Variants in KCNT2 observed in about 807,000 individuals in gnomAD.
KCNT2 encodes potassium channel subfamily T member 2.
In KCNT2, 67 loss-of-function variants were observed where a neutral mutation model predicts 153.8. The observed-to-expected ratio is 0.44, with a 90% confidence interval of 0.36 to 0.53. The LOEUF is 0.53. Among genes scored for constraint, KCNT2 ranks in the 20% least tolerant of loss-of-function variants. The pLI is 0.00. For synonymous variants in KCNT2, 500 were observed against 458.8 expected (o/e 1.09, Z -1.15); for missense variants, 975 against 1,354.8 (o/e 0.72, Z 4.40).
At chr1:196,492,375 G>T in intron 1 of KCNT2, 34 bp from the exon 2 acceptor site, 1 of 1,281,624 alleles carries the variant, frequency 7.8e-7, no homozygotes, top group Non-Finnish European at 1.0e-6. Flanking sequence ...GTAAATGTAT[G>T]CAAGCAACCA....
At chr1:196,404,116 T>C in intron 12 of KCNT2, 1 of 969,782 alleles carries the variant, frequency 1.0e-6, no homozygotes, top group Non-Finnish European at 1.2e-6. Flanking sequence ...ATCTTCAGCT[T>C]CTCTGTCTCA....
Position 196,608,212 on chromosome 1 carries a change from C to T in KCNT2, c.95+3G>A. 1 of 1,613,608 alleles carries T rather than the reference C, an allele frequency of 6.2e-7. No homozygotes were observed. Among genetic ancestry groups the T allele is most frequent in the Non-Finnish European group, 8.5e-7 (1 of 1,179,552 alleles). On this transcript the variant is annotated splice_donor_region_variant and intron_variant, in intron 1 of 27. Coordinates refer to ENST00000294725, the MANE Select transcript of KCNT2 (RefSeq NM_198503.5). ...CAGAACAATCCTCCACCACACCACT[C>T]ACCTGTCGTCGTTTTGCCATCCTTG...
chr1:196,233,976 C>A (rs1425863777), intron 27 of KCNT2, among the ~76,000 whole-genome samples: 1 of 151,272 alleles, frequency 6.6e-6, no homozygotes, highest in African/African-American at 2.4e-5. Context: ...GAAATAAATT[C>A]CAGTGCTTCA....
intron 25 of KCNT2, among the ~76,000 whole-genome samples, chr1:196,277,792 T>C (rs1325299): frequency 0.83 from 126,170 of 152,000 alleles, 53,513 homozygotes; most frequent in East Asian, 0.97. Context: ...ACTGTCAGAG[T>C]CAATTTTATT....
chr1:196,602,829 G>C (rs1007530453), intron 1 of KCNT2, among the ~76,000 whole-genome samples: 2 of 122,162 alleles, frequency 1.6e-5, no homozygotes, highest in Admixed American at 2.3e-4. Context: ...GCCCAGGCCG[G>C]ACTGCGGACT....
intron 8 of KCNT2, among the ~76,000 whole-genome samples, chr1:196,441,862 A>T (rs1675262552): frequency 6.6e-6 from 1 of 151,778 alleles, no homozygotes; most frequent in South Asian, 2.1e-4. Context: ...ATTCATAAAC[A>T]TTTATTAAGA....
At chr1:196,397,193 C>A (rs1046327920) in intron 13 of KCNT2, among the ~76,000 whole-genome samples, 1 of 151,336 alleles carries the variant, frequency 6.6e-6, no homozygotes, top group Non-Finnish European at 1.5e-5. Flanking sequence ...TAAGAGTTTA[C>A]TTAGTGTTAA....
At chr1:196,572,399 A>G (rs954169374) in intron 1 of KCNT2, among the ~76,000 whole-genome samples, 2 of 152,066 alleles carry the variant, frequency 1.3e-5, no homozygotes, top group Admixed American at 1.3e-4. Flanking sequence ...TCTAGGAAAG[A>G]AGGCAGACTT....
chr1:196,479,977 T>G (rs916995586), intron 4 of KCNT2, among the ~76,000 whole-genome samples: 14 of 152,248 alleles, frequency 9.2e-5, no homozygotes, highest in Non-Finnish European at 1.6e-4. Flanking sequence ...TGAATGAATT[T>G]CATAACCAAT....
intron 1 of KCNT2, among the ~76,000 whole-genome samples, chr1:196,516,313 T>C (rs1053382906): frequency 6.6e-6 from 1 of 152,004 alleles, no homozygotes; most frequent in African/African-American, 2.4e-5. Context: ...CAGGGGCAAT[T>C]AGGGACTGCG....
chr1:196,345,620 C>A (rs546711148), intron 14 of KCNT2, among the ~76,000 whole-genome samples: 2 of 152,162 alleles, frequency 1.3e-5, no homozygotes, highest in South Asian at 4.2e-4. Context: ...TTTATAAAAT[C>A]CCTCTGGTCA....
intron 8 of KCNT2, among the ~76,000 whole-genome samples, chr1:196,432,574 T>C (rs1674260848): frequency 6.6e-6 from 1 of 152,164 alleles, no homozygotes; most frequent in African/African-American, 2.4e-5. Context: ...TAATGTTTTT[T>C]CCTTGTTGGA....
intron 8 of KCNT2, among the ~76,000 whole-genome samples, chr1:196,435,082 A>G (rs1397742913): frequency 1.4e-5 from 2 of 145,304 alleles, no homozygotes. Context: ...ATTTTAAGCC[A>G]CTAAGTTTAG....
At chr1:196,295,939 G>C (rs1362479453) in intron 22 of KCNT2, among the ~76,000 whole-genome samples, 1 of 151,894 alleles carries the variant, frequency 6.6e-6, no homozygotes, top group African/African-American at 2.4e-5. Context: ...GGTTTTGAAA[G>C]ATTAACAGGA....
chr1:196,515,114 G>A (rs933786517), intron 1 of KCNT2, among the ~76,000 whole-genome samples: 4 of 152,130 alleles, frequency 2.6e-5, no homozygotes, highest in Admixed American at 6.5e-5. Context: ...TATGATTTCC[G>A]ATAATGATGG....
intron 16 of KCNT2, 39 bp downstream of exon 16, chr1:196,340,302 G>T (rs1665492654): frequency 5.2e-6 from 6 of 1,150,130 alleles, no homozygotes; most frequent in South Asian, 1.6e-5. Flanking sequence ...TTTTATTTTA[G>T]AAATAAATTA....
chr1:196,296,888 A>C (rs971562581), intron 22 of KCNT2, among the ~76,000 whole-genome samples: 2 of 152,114 alleles, frequency 1.3e-5, no homozygotes, highest in Admixed American at 6.6e-5. Flanking sequence ...AACAGAATCA[A>C]ATAGTGATGG....
At chr1:196,426,921 T>C (rs1203882613) in intron 10 of KCNT2, among the ~76,000 whole-genome samples, 1 of 151,998 alleles carries the variant, frequency 6.6e-6, no homozygotes, top group Non-Finnish European at 1.5e-5. Context: ...CCTTTCGCAT[T>C]ACACGTGACC....
intron 1 of KCNT2, among the ~76,000 whole-genome samples, chr1:196,518,481 A>T (rs1652907031): frequency 7.9e-6 from 1 of 126,272 alleles, no homozygotes; most frequent in African/African-American, 4.2e-5. Context: ...CTGGATTTAA[A>T]AAAAAAAAAA....
Sources: gnomAD v4.1 joint callset for allele counts (sites outside exome capture counted in the v4.1 genomes callset) on GRCh38, gnomAD v4.1.1 for gene constraint, MANE v1.5 for transcripts, NCBI Gene and HGNC (gene_info 2026-07-23, HGNC 2026-07-21) for gene names.